The following TPRG1 variants were observed in gnomAD, a reference collection of about 807,000 sequenced individuals.
The protein encoded by TPRG1 is tumor protein p63 regulated 1.
TPRG1 carries 29 observed loss-of-function variants against 29.3 expected under a neutral mutation model. The ratio of observed to expected loss-of-function variants is 0.99; its 90% CI spans 0.74 to 1.35. The LOEUF (loss-of-function observed/expected upper bound fraction) is 1.35, where lower values mean the gene tolerates loss of function less well. Among genes scored for constraint, TPRG1 ranks in the 40% most tolerant of loss-of-function variants. TPRG1 has a pLI of 0.00. For synonymous variants in TPRG1, 130 were observed against 116.8 expected, an observed-to-expected ratio of 1.11 and a Z score of -0.73; for missense variants, 327 against 335.0, an observed-to-expected ratio of 0.98 and a Z score of 0.19.
At chr3:189,151,155 T>C (rs898290398) in intron 5 of TPRG1, 8 of 152,190 alleles carry the variant, frequency 5.3e-5, no homozygotes, top group African/African-American at 1.9e-4. Flanking sequence ...CAAAGATGTT[T>C]GTGGAAAGAC....
At chr3:189,132,994 G>A (rs149570043) in intron 3 of TPRG1, among the ~76,000 whole-genome samples, 50 of 152,132 alleles carry the variant, frequency 3.3e-4, no homozygotes, top group African/African-American at 1.1e-3. Context: ...CACTATGAAC[G>A]GAAATATGTA....
Position 189,238,872 on chromosome 3 carries a change from C to A in TPRG1, c.442C>A (p.Leu148Met). The A allele has an allele frequency of 6.2e-7, 1 of 1,613,390 alleles. No homozygotes were observed. The highest frequency in any genetic ancestry group is 8.5e-7 in the Non-Finnish European group (1 of 1,179,566). Residue 148 changes from leucine to methionine, a missense_variant, in exon 4 of 6, where the codon CTG becomes ATG. Transcript: ENST00000345063. ...TCTGAGCGCTGTCTATCGCATCTGC[C>A]TGGGCAAGTTCACCTTCCCTGGGAT... ...IPLSAVYRIC[L>M]GKFTFPGMSL...
At chr3:189,094,663 G>A (rs1718559012) in intron 4 of TPRG1, among the ~76,000 whole-genome samples, 1 of 152,142 alleles carries the variant, frequency 6.6e-6, no homozygotes, top group South Asian at 2.1e-4. Flanking sequence ...CTTCACCCAG[G>A]TGTAATTGAT....
chr3:189,093,917 T>C (rs961112807), intron 4 of TPRG1, among the ~76,000 whole-genome samples: 1 of 152,130 alleles, frequency 6.6e-6, no homozygotes, highest in African/African-American at 2.4e-5. Context: ...TTATTCTGGA[T>C]AAAGAAAGCA....
intron 4 of TPRG1, among the ~76,000 whole-genome samples, chr3:189,045,829 G>A (rs942818880): frequency 2.0e-5 from 3 of 152,230 alleles, no homozygotes; most frequent in Non-Finnish European, 4.4e-5. Context: ...TTTGGAGGCC[G>A]AGGAAGTCTG....
intron 4 of TPRG1, among the ~76,000 whole-genome samples, chr3:189,042,078 G>C (rs1461514309): frequency 6.6e-6 from 1 of 151,786 alleles, no homozygotes; most frequent in East Asian, 1.9e-4. Context: ...CATGTTGATG[G>C]GAATTGACCT....
chr3:189,062,808 TAAG>T (rs1716203464), intron 4 of TPRG1, among the ~76,000 whole-genome samples: 2 of 151,810 alleles, frequency 1.3e-5, no homozygotes, highest in Admixed American at 6.6e-5. Context: ...AATAGAATAA[TAAG>T]AAATTTTCAT....
At chr3:189,011,277 A>G (rs1279152666) in intron 3 of TPRG1, among the ~76,000 whole-genome samples, 1 of 152,126 alleles carries the variant, frequency 6.6e-6, no homozygotes, top group East Asian at 1.9e-4. Context: ...ATTTTAAAAC[A>G]GTTTTTCCTA....
At chr3:189,217,127 T>TA (rs1186707449) in intron 3 of TPRG1, among the ~76,000 whole-genome samples, 14 of 152,258 alleles carry the variant, frequency 9.2e-5, no homozygotes, top group African/African-American at 3.4e-4. Flanking sequence ...TAAAGATGTG[T>TA]AGACATAAAT....
chr3:189,153,663 A>G lies in TPRG1; in HGVS notation c.-10+2791A>G, dbSNP rs114536721. Among the ~76,000 whole-genome samples the G allele has an allele frequency of 2.0e-3, 310 of 152,312 alleles. 5 individuals carry two copies. The highest frequency in any genetic ancestry group is 7.2e-3 in the African/African-American group (300 of 41,568). ...CACCTGCCATAGCCGGGAGATGGGT[A>G]TCCAGCTGGCAAATGGGATCTGGGT... On this transcript the variant is annotated intron_variant, in intron 5 of 6. Transcript: ENST00000412373.
intron 4 of TPRG1, among the ~76,000 whole-genome samples, chr3:189,308,114 G>A (rs1721905693): frequency 6.6e-6 from 1 of 152,174 alleles, no homozygotes; most frequent in Non-Finnish European, 1.5e-5. Context: ...TCGATATAGA[G>A]ATTCTAAAGA....
chr3:189,319,700 G>GATT (rs1724078926), intron 5 of TPRG1, among the ~76,000 whole-genome samples: 1 of 152,008 alleles, frequency 6.6e-6, no homozygotes, highest in Non-Finnish European at 1.5e-5. Flanking sequence ...CAGTAGCTAG[G>GATT]ATTATTATTA....
chr3:189,126,173 G>A (rs1056876309), intron 1 of TPRG1, among the ~76,000 whole-genome samples: 10 of 151,892 alleles, frequency 6.6e-5, no homozygotes, highest in African/African-American at 2.4e-4. Flanking sequence ...GTCCATTTTG[G>A]GCAATGAGGT....
chr3:189,162,235 C>T (rs1301023516), intron 5 of TPRG1, among the ~76,000 whole-genome samples: 2 of 152,124 alleles, frequency 1.3e-5, no homozygotes, highest in Non-Finnish European at 2.9e-5. Context: ...CCTCGTGCTC[C>T]ACCCACTTCA....
chr3:189,141,379 A>G (rs1724534760), intron 3 of TPRG1, among the ~76,000 whole-genome samples: 1 of 152,050 alleles, frequency 6.6e-6, no homozygotes, highest in African/African-American at 2.4e-5. Flanking sequence ...TCATTCATTC[A>G]TTCATTCATT....
Position 189,015,723 on chromosome 3 carries a change from T to C in TPRG1, c.-659-8027T>C, listed in dbSNP as rs528547345. ...AGGGGCCAGGATACAGCTTGGGCCATTGCTTCAGAGGGTGCAAGCCCCCCA... is the reference window on the plus strand; with the variant it reads ...AGGGGCCAGGATACAGCTTGGGCCACTGCTTCAGAGGGTGCAAGCCCCCCA... On this transcript the variant is annotated intron_variant, in intron 3 of 10. Coordinates refer to the TPRG1 transcript ENST00000433971. 1.2e-3 allele frequency among the ~76,000 whole-genome samples: 185 copies of C among 152,286 alleles called. 1 individual carries two copies. Among genetic ancestry groups the C allele is most frequent in the Non-Finnish European group, 2.1e-3 (143 of 68,016 alleles).
At chr3:189,103,581 C>A (rs1268930824) in intron 1 of TPRG1, among the ~76,000 whole-genome samples, 3 of 152,108 alleles carry the variant, frequency 2.0e-5, no homozygotes, top group African/African-American at 7.2e-5. Flanking sequence ...GTTTTTTAAT[C>A]TTTTGGCTTA....
chr3:189,066,612 A>T (rs562255400), intron 4 of TPRG1, among the ~76,000 whole-genome samples: 1 of 151,404 alleles, frequency 6.6e-6, no homozygotes, highest in Non-Finnish European at 1.5e-5. Context: ...ATACAATTTA[A>T]CATCCCTTCA....
rs146130506 is a variant in TPRG1, at chr3:189,065,437, T to A, written c.-463+41491T>A. On this transcript the variant is annotated intron_variant, in intron 4 of 10. Coordinates refer to the TPRG1 transcript ENST00000433971. Reference sequence around the variant, plus strand: ...AACATTTTAAACAAAATATTAACAATCCCTATCTAACAATATTTAAAAAGA... The same window carrying A: ...AACATTTTAAACAAAATATTAACAAACCCTATCTAACAATATTTAAAAAGA... Among the ~76,000 whole-genome samples the A allele has an allele frequency of 3.4e-3, 523 of 152,154 alleles. 3 individuals are homozygous for A. Among genetic ancestry groups the A allele is most frequent in the African/African-American group, 0.012 (503 of 41,516 alleles).
Sources: allele counts gnomAD v4.1 joint callset (sites outside exome capture counted in the v4.1 genomes callset), GRCh38; gene constraint gnomAD v4.1.1; transcripts MANE v1.5; gene names NCBI Gene and HGNC (gene_info 2026-07-23, HGNC 2026-07-21).